Variants in NWD2 observed in about 807,000 individuals in gnomAD.
The protein encoded by NWD2 is NACHT and WD repeat domain containing 2, also known as NACHT and WD repeat domain-containing protein 2.
Under a neutral mutation model 132.7 loss-of-function variants are expected in NWD2, and 37 were observed. That is an observed-to-expected ratio of 0.28 (90% CI 0.21 to 0.37). NWD2 has a LOEUF of 0.37. NWD2 is among the 10% of genes least tolerant of loss of function. The pLI, the probability that NWD2 is intolerant of heterozygous loss-of-function variation, is 1.00. For missense variants in NWD2, 1,592 were observed against 2,122.4 expected (o/e 0.75, Z 4.91); for synonymous variants, 705 against 803.0 (o/e 0.88, Z 2.06).
chr4:37,297,953 C>A (rs1055434239), intron 1 of NWD2, among the ~76,000 whole-genome samples: 1 of 152,066 alleles, frequency 6.6e-6, no homozygotes, highest in Non-Finnish European at 1.5e-5. Context: ...CAGCTAGAGA[C>A]CCCCAGGAAC....
chr4:37,246,442 A>T (rs1250117528), intron 1 of NWD2, among the ~76,000 whole-genome samples: 1 of 152,134 alleles, frequency 6.6e-6, no homozygotes, highest in Non-Finnish European at 1.5e-5. Flanking sequence ...AAGACGATAT[A>T]CTCTTGGGGG....
At chr4:37,277,705 G>T (rs1718050790) in intron 1 of NWD2, among the ~76,000 whole-genome samples, 1 of 151,850 alleles carries the variant, frequency 6.6e-6, no homozygotes, top group Admixed American at 6.6e-5. Flanking sequence ...TAATATCAGG[G>T]ATATTAGAGA....
At chr4:37,348,751 G>T (rs1441997741) in intron 2 of NWD2, among the ~76,000 whole-genome samples, 3 of 140,010 alleles carry the variant, frequency 2.1e-5, no homozygotes, top group African/African-American at 8.1e-5. Flanking sequence ...TGTTACATAG[G>T]TATACACGTG....
At chr4:37,383,610 C>G (rs1289885672) in intron 3 of NWD2, among the ~76,000 whole-genome samples, 1 of 152,102 alleles carries the variant, frequency 6.6e-6, no homozygotes, top group Non-Finnish European at 1.5e-5. Flanking sequence ...CTGCATGCCC[C>G]CTACGCTGGC....
At position 37,445,705 on chromosome 4, in the gene NWD2, G is replaced by C. The variant is rs1287958289; in HGVS notation, c.3717G>C (p.Leu1239=). 1.3e-6 allele frequency: 2 copies of C among 1,551,806 alleles called. No homozygotes were observed. The highest frequency in any genetic ancestry group is 1.7e-6 in the Non-Finnish European group (2 of 1,147,064). Residue 1239 remains leucine (L), a synonymous_variant, in exon 7 of 7, where the codon CTG becomes CTC. Coordinates refer to ENST00000309447, the MANE Select transcript of NWD2 (RefSeq NM_001144990.2). The surrounding 1 kb of genome is among the most constrained non-coding windows in gnomAD (Gnocchi z 4.7). The stretch of plus-strand genomic sequence containing the variant: ...ACGAACGCTTTATATCTGCCGTGCT[G>C]TCTAAAAATGGAGATTGTATCATCG... ...KHNERFISAV[L]SKNGDCIIAT...
chr4:37,372,142 C>T (rs1720240984), intron 3 of NWD2, among the ~76,000 whole-genome samples: 1 of 151,994 alleles, frequency 6.6e-6, no homozygotes, highest in African/African-American at 2.4e-5. Flanking sequence ...TTTCATTTTA[C>T]TTGTCTCTAC....
intron 3 of NWD2, among the ~76,000 whole-genome samples, chr4:37,389,660 C>G (rs774775519): frequency 6.6e-6 from 1 of 152,156 alleles, no homozygotes; most frequent in African/African-American, 2.4e-5. Flanking sequence ...GAATACCCAA[C>G]GCAGATGGAG....
intron 3 of NWD2, among the ~76,000 whole-genome samples, chr4:37,416,861 A>G (rs1485167066): frequency 6.6e-6 from 1 of 151,944 alleles, no homozygotes; most frequent in Non-Finnish European, 1.5e-5. Context: ...GGAAAACCAA[A>G]CATCATATGT....
intron 3 of NWD2, among the ~76,000 whole-genome samples, chr4:37,427,748 C>T (rs973013590): frequency 6.6e-6 from 1 of 152,116 alleles, no homozygotes; most frequent in Non-Finnish European, 1.5e-5. Flanking sequence ...AGCTTTGAGG[C>T]AGTGAATTCA....
intron 2 of NWD2, among the ~76,000 whole-genome samples, chr4:37,348,171 C>G (rs1473542410): frequency 6.6e-6 from 1 of 152,140 alleles, no homozygotes; most frequent in Non-Finnish European, 1.5e-5. Flanking sequence ...GGTCTCAACC[C>G]AGTCTGAAGA....
intron 2 of NWD2, among the ~76,000 whole-genome samples, chr4:37,350,068 A>G (rs773526408): frequency 3.9e-5 from 6 of 152,182 alleles, no homozygotes; most frequent in Admixed American, 2.0e-4. Context: ...TACCAGTACC[A>G]TGCTGTTTTC....
chr4:37,401,076 G>C (rs181857746), intron 3 of NWD2, among the ~76,000 whole-genome samples: 1 of 152,322 alleles, frequency 6.6e-6, no homozygotes, highest in East Asian at 1.9e-4. Context: ...GGTAATGTAA[G>C]TGTCAGTAAA....
chr4:37,309,191 C>T (rs1160872049), intron 1 of NWD2, among the ~76,000 whole-genome samples: 4 of 152,130 alleles, frequency 2.6e-5, no homozygotes, highest in African/African-American at 7.2e-5. Context: ...CAGGAGTCAG[C>T]GTTGCCAGTG....
chr4:37,278,080 C>G (rs1483115326), intron 1 of NWD2, among the ~76,000 whole-genome samples: 1 of 151,946 alleles, frequency 6.6e-6, no homozygotes, highest in East Asian at 1.9e-4. Context: ...TATTCAACCA[C>G]CTTGTGAGTA....
chr4:37,318,287 A>C (rs1718999442), intron 1 of NWD2, among the ~76,000 whole-genome samples: 1 of 151,896 alleles, frequency 6.6e-6, no homozygotes, highest in South Asian at 2.1e-4. Flanking sequence ...TGGCCTCCCA[A>C]AGTGCTGGGA....
intron 2 of NWD2, among the ~76,000 whole-genome samples, chr4:37,351,808 G>A (rs1022827294): frequency 6.6e-6 from 1 of 152,052 alleles, no homozygotes; most frequent in African/African-American, 2.4e-5. Context: ...TCTCCTGTGG[G>A]CATTTTAGTG....
At chr4:37,250,026 C>T (rs746852352) in intron 1 of NWD2, among the ~76,000 whole-genome samples, 21 of 152,170 alleles carry the variant, frequency 1.4e-4, no homozygotes, top group Admixed American at 1.0e-3. Flanking sequence ...AAGAAATTCA[C>T]GTGAAACCTA....
At chr4:37,407,625 G>A (rs1267985576) in intron 3 of NWD2, among the ~76,000 whole-genome samples, 2 of 152,234 alleles carry the variant, frequency 1.3e-5, no homozygotes, top group Non-Finnish European at 2.9e-5. Context: ...TTAAGACAAT[G>A]TATAGACTTC....
At position 37,413,182 on chromosome 4, in the gene NWD2, G is replaced by A. The variant is rs556939771; in HGVS notation, c.358-17390G>A. On this transcript the variant is annotated intron_variant, in intron 3 of 6. Coordinates refer to ENST00000309447, the MANE Select transcript of NWD2 (RefSeq NM_001144990.2). ...AAGAAACTATTATCAGAGTGAACAGGCAGCCTACGGAATGGGAGAAAATTT... is the reference window on the plus strand; with the variant it reads ...AAGAAACTATTATCAGAGTGAACAGACAGCCTACGGAATGGGAGAAAATTT... Among the ~76,000 whole-genome samples the A allele has an allele frequency of 2.0e-5, 3 of 152,276 alleles. No individual in the cohort carries two copies. In the South Asian group the frequency reaches 6.2e-4, roughly 32 times the overall value.
Sources: gnomAD v4.1 joint callset for allele counts (sites outside exome capture counted in the v4.1 genomes callset) on GRCh38, gnomAD v4.1.1 for gene constraint, Gnocchi (gnomAD v3.1) non-coding constraint, MANE v1.5 for transcripts, NCBI Gene and HGNC (gene_info 2026-07-23, HGNC 2026-07-21) for gene names.